LPIN2: variants seen among roughly 807,000 people sequenced by gnomAD.
LPIN2 encodes the protein lipin 2.
Under a neutral mutation model 111.4 loss-of-function variants are expected in LPIN2, and 55 were observed. The observed-to-expected ratio is 0.49, with a 90% CI of 0.40 to 0.62. The LOEUF (loss-of-function observed/expected upper bound fraction) is 0.62, where lower values mean the gene tolerates loss of function less well. Among genes scored for constraint, LPIN2 ranks in the 20% least tolerant of loss-of-function variants. The pLI is 0.00. For missense variants in LPIN2, 992 were observed against 1,112.1 expected, an observed-to-expected ratio of 0.89 and a Z score of 1.54; for synonymous variants, 425 against 414.0, an observed-to-expected ratio of 1.03 and a Z score of -0.32.
At chr18:2,992,463 G>A (rs2143430572) in intron 1 of LPIN2, among the ~76,000 whole-genome samples, 1 of 152,274 alleles carries the variant, frequency 6.6e-6, no homozygotes, top group African/African-American at 2.4e-5. Context: ...AAAAATTTTG[G>A]AAATAGCAGT....
intron 1 of LPIN2, among the ~76,000 whole-genome samples, chr18:2,994,806 G>C (rs1204500611): frequency 6.6e-6 from 1 of 152,154 alleles, no homozygotes; most frequent in Non-Finnish European, 1.5e-5. Flanking sequence ...CGGCGGGTGG[G>C]GGCGGTGTGT....
intron 1 of LPIN2, among the ~76,000 whole-genome samples, chr18:3,008,543 T>C (rs1415254969): frequency 6.6e-6 from 1 of 152,256 alleles, no homozygotes; most frequent in Non-Finnish European, 1.5e-5. Context: ...ACTAACAAAG[T>C]TACTTTGTAC....
At chr18:2,968,386 G>A (rs1041448246) in intron 1 of LPIN2, among the ~76,000 whole-genome samples, 2 of 152,158 alleles carry the variant, frequency 1.3e-5, no homozygotes, top group African/African-American at 4.8e-5. Flanking sequence ...TTTTCACACA[G>A]TCAAAATTAA....
At chr18:2,935,211 A>G (rs1170475115) in intron 7 of LPIN2, among the ~76,000 whole-genome samples, 1 of 152,242 alleles carries the variant, frequency 6.6e-6, no homozygotes, top group Non-Finnish European at 1.5e-5. Context: ...TATTAAAATT[A>G]TATTTTGGAT....
chr18:2,927,796 A>C lies in LPIN2; in HGVS notation c.1636T>G (p.Trp546Gly). The change falls in exon 12 of 20, where the codon TGG becomes GGG. Residue 546 changes from tryptophan (W) to glycine (G), a missense_variant. Coordinates refer to ENST00000677752, the MANE Select transcript of LPIN2 (RefSeq NM_001375808.2). Reference sequence around the variant, plus strand: ...TTCTTTGGCATCTTGTCTTTCACCCAGGACTCAACTGTGGCCTGAAAACAA... The same window carrying C: ...TTCTTTGGCATCTTGTCTTTCACCCCGGACTCAACTGTGGCCTGAAAACAA... ...KSLPKATVESWVKDKMPKKSG... is the reference protein window; with the variant it reads ...KSLPKATVESGVKDKMPKKSG... 1 of 1,614,188 alleles carries C rather than the reference A, an allele frequency of 6.2e-7. No individual in the cohort carries two copies. The highest frequency in any genetic ancestry group is 1.3e-5 in the African/African-American group (1 of 75,048).
In LPIN2 at chr18:2,920,154, A is replaced by G. The variant is rs912651559; in HGVS notation, c.*139T>C. ...CCTGAGCAGCTGGCCTGGGAAGGCA[A>G]AGGAGGATGGCGGGACCAGCTCCAG... On this transcript the variant is annotated 3_prime_UTR_variant, in exon 20 of 20. Coordinates refer to ENST00000677752, the MANE Select transcript of LPIN2 (RefSeq NM_001375808.2). 4.2e-6 allele frequency: 5 copies of G among 1,193,080 alleles called. No individual in the cohort carries two copies. The African/African-American group carries it at 4.5e-5, about 11-fold the overall frequency. The allele number at this position is 1,193,080 out of a possible 1,614,324, so 73.9% of individuals were successfully genotyped here.
chr18:2,982,919 G>C (rs74437531), intron 1 of LPIN2: 3 of 349,272 alleles, frequency 8.6e-6, no homozygotes, highest in East Asian at 7.6e-5. Flanking sequence ...AAAAAAAAAA[G>C]CAATGCATAC....
intron 1 of LPIN2, among the ~76,000 whole-genome samples, chr18:2,998,184 A>G (rs1016681838): frequency 9.2e-5 from 14 of 152,356 alleles, no homozygotes; most frequent in African/African-American, 3.1e-4. Context: ...GGTAAAGGGA[A>G]AGGCTGTGGC....
chr18:2,963,724 G>T (rs577087140), intron 1 of LPIN2, among the ~76,000 whole-genome samples: 1 of 152,024 alleles, frequency 6.6e-6, no homozygotes, highest in Non-Finnish European at 1.5e-5. Flanking sequence ...ATGAAAAATG[G>T]TCACAGAGCA....
chr18:3,002,266 TAAC>T lies in LPIN2; in HGVS notation c.-10+10818_-10+10820del, dbSNP rs1465256981. On this transcript the variant is annotated intron_variant, in intron 1 of 19. Transcript: ENST00000677752. Reference sequence around the variant, plus strand: ...AAAAAAAAAAAAAAAAAACCCACCATAACAACATAGGTATACCAGTACCTACGT... The same window carrying T: ...AAAAAAAAAAAAAAAAAACCCACCATAACATAGGTATACCAGTACCTACGT... Among the ~76,000 whole-genome samples, 24 of 118,072 alleles carry T rather than the reference TAAC, an allele frequency of 2.0e-4. No individual in the cohort carries two copies. The East Asian group carries it at 5.4e-3, about 26-fold the overall frequency. 77.5% of individuals were successfully genotyped at this position (118,072 alleles called of 152,430 possible). A position where few individuals can be genotyped will look rare whatever the true frequency, so the allele number is the denominator to read the frequency against.
intron 4 of LPIN2, among the ~76,000 whole-genome samples, chr18:2,943,730 ATGT>A (rs1052936324): frequency 6.6e-6 from 1 of 152,210 alleles, no homozygotes; most frequent in Non-Finnish European, 1.5e-5. Context: ...CCAGTATCAG[ATGT>A]TTATGTACTC....
At chr18:2,954,761 G>A (rs886629779) in intron 2 of LPIN2, among the ~76,000 whole-genome samples, 162 bp from the exon 3 acceptor site, 2 of 152,158 alleles carry the variant, frequency 1.3e-5, no homozygotes, top group African/African-American at 2.4e-5. Flanking sequence ...CAACCCCTAA[G>A]AAGCCAAATG....
At chr18:2,946,891 C>G (rs1047287063) in intron 4 of LPIN2, 7 of 308,810 alleles carry the variant, frequency 2.3e-5, no homozygotes, top group South Asian at 2.0e-4. Context: ...CAGAGCATTT[C>G]CCGTAAGACA....
intron 1 of LPIN2, among the ~76,000 whole-genome samples, chr18:2,981,695 C>A (rs2078113286): frequency 6.6e-6 from 1 of 152,190 alleles, no homozygotes; most frequent in Non-Finnish European, 1.5e-5. Context: ...TAGCACCTGA[C>A]TCTTCCATTC....
chr18:2,957,966 AC>A (rs2077638172), intron 2 of LPIN2, among the ~76,000 whole-genome samples: 1 of 151,360 alleles, frequency 6.6e-6, no homozygotes, highest in East Asian at 1.9e-4. Context: ...ACATGGAGAA[AC>A]CCCATCTCTA....
chr18:2,925,384 C>T lies in LPIN2; in HGVS notation c.1794-16G>A. 1.2e-6 allele frequency: 2 copies of T among 1,613,990 alleles called. No homozygotes were observed. The highest frequency in any genetic ancestry group is 1.7e-6 in the Non-Finnish European group (2 of 1,179,954). On this transcript the variant is annotated splice_polypyrimidine_tract_variant and intron_variant, in intron 13 of 19. Coordinates refer to ENST00000677752, the MANE Select transcript of LPIN2 (RefSeq NM_001375808.2). The surrounding 1 kb of genome is among the most constrained non-coding windows in gnomAD (Gnocchi z 4.1). ...CTCGGCCGGCCTGTTCAACATTAGC[C>T]CAGTTACGGAAGAGGCAGCAGGGCA...
chr18:2,985,110 T>C (rs1256814734), intron 1 of LPIN2: 1 of 152,378 alleles, frequency 6.6e-6, no homozygotes. Context: ...GCAAGGAACA[T>C]GTACTATGGA....
chr18:2,977,409 A>G (rs2143340455), intron 1 of LPIN2, among the ~76,000 whole-genome samples: 2 of 152,318 alleles, frequency 1.3e-5, no homozygotes, highest in Middle Eastern at 3.4e-3. Context: ...CTCTCTGTTA[A>G]GAGGACCTAG....
intron 8 of LPIN2, among the ~76,000 whole-genome samples, 187 bp from the exon 9 acceptor site, chr18:2,931,630 C>A (rs909990359): frequency 1.3e-5 from 2 of 152,130 alleles, no homozygotes; most frequent in South Asian, 2.1e-4. Context: ...TGAAAGATAA[C>A]CTAATATAGT....
Sources: allele counts gnomAD v4.1 joint callset (sites outside exome capture counted in the v4.1 genomes callset), GRCh38; gene constraint gnomAD v4.1.1; non-coding constraint Gnocchi (gnomAD v3.1); transcripts MANE v1.5; gene names NCBI Gene and HGNC (gene_info 2026-07-23, HGNC 2026-07-21).